Variants in ELAVL3 observed in about 807,000 individuals in gnomAD.
The protein encoded by ELAVL3 is ELAV-like protein 3.
Under a neutral mutation model 34.2 loss-of-function variants are expected in ELAVL3, and 8 were observed. That is an observed-to-expected ratio of 0.23 (90% confidence interval 0.14 to 0.42). The LOEUF is 0.42. ELAVL3 is among the 10% of genes least tolerant of loss of function. ELAVL3 has a pLI of 1.00. For missense variants in ELAVL3, 273 were observed against 518.8 expected (o/e 0.53, Z 4.60); for synonymous variants, 209 against 222.1 (o/e 0.94, Z 0.53).
chr19:11,462,454 T>C (rs544840314), intron 3 of ELAVL3, among the ~76,000 whole-genome samples: 10 of 147,820 alleles, frequency 6.8e-5, no homozygotes, highest in Admixed American at 5.5e-4. Context: ...CTGGCCAACA[T>C]GGTGAAACCC....
chr19:11,470,666 A>C (rs572089739), intron 1 of ELAVL3, among the ~76,000 whole-genome samples: 68 of 152,260 alleles, frequency 4.5e-4, no homozygotes, highest in Non-Finnish European at 8.4e-4. Context: ...ACAAGAGCGA[A>C]ACTCCATCTC....
chr19:11,475,143 G>A (rs766012807), intron 1 of ELAVL3, among the ~76,000 whole-genome samples: 2 of 152,010 alleles, frequency 1.3e-5, no homozygotes, highest in Non-Finnish European at 2.9e-5. Context: ...CTATTTTAAT[G>A]AGCATTCCAC....
intron 3 of ELAVL3, among the ~76,000 whole-genome samples, chr19:11,464,414 C>T (rs917192022): frequency 6.6e-6 from 1 of 151,926 alleles, no homozygotes; most frequent in Non-Finnish European, 1.5e-5. Flanking sequence ...CCTCCTGCCT[C>T]GGCCTCCCAA....
At position 11,466,689 on chromosome 19, in the gene ELAVL3, T is replaced by C; in HGVS notation, c.148A>G (p.Met50Val). The change falls in exon 2 of 7, where the codon ATG becomes GTG. Residue 50 changes from methionine (M) to valine (V), a missense_variant. Met to Val is a conservative substitution (Grantham distance 21, BLOSUM62 1). Coordinates refer to ENST00000359227, the MANE Select transcript of ELAVL3 (RefSeq NM_001420.4). The surrounding 1 kb of genome is among the most constrained non-coding windows in gnomAD (Gnocchi z 5.0). ...NLIVNYLPQN[M>V]TQDEFKSLFG... ...AGACTCTTGAACTCATCCTGGGTCATGTTCTGGGGCAGGTAGTTGACGATG... is the reference window on the plus strand; with the variant it reads ...AGACTCTTGAACTCATCCTGGGTCACGTTCTGGGGCAGGTAGTTGACGATG... 6.2e-7 allele frequency: 1 copy of C among 1,614,210 alleles called. No individual in the cohort carries two copies. Among genetic ancestry groups the C allele is most frequent in the Non-Finnish European group, 8.5e-7 (1 of 1,180,036 alleles).
chr19:11,456,249 C>T (rs968280302), intron 6 of ELAVL3, among the ~76,000 whole-genome samples: 1 of 151,664 alleles, frequency 6.6e-6, no homozygotes. Flanking sequence ...GGATTACAGG[C>T]GCCTGCCACC....
At chr19:11,479,985 G>A (rs921517526) in intron 1 of ELAVL3, among the ~76,000 whole-genome samples, 1 of 150,952 alleles carries the variant, frequency 6.6e-6, no homozygotes, top group Non-Finnish European at 1.5e-5. Flanking sequence ...GCGCCCGCGC[G>A]AGGCTGCGGC....
intron 3 of ELAVL3, among the ~76,000 whole-genome samples, chr19:11,462,190 A>G (rs1214665664): frequency 6.6e-6 from 1 of 151,744 alleles, no homozygotes; most frequent in Non-Finnish European, 1.5e-5. Flanking sequence ...AAAAAAAAAA[A>G]AAGAAATAAC....
intron 3 of ELAVL3, among the ~76,000 whole-genome samples, chr19:11,464,619 ACACACACAC>A (rs1286336000): frequency 1.6e-4 from 23 of 144,080 alleles, no homozygotes; most frequent in Middle Eastern, 3.8e-3. Flanking sequence ...CACACACACC[ACACACACAC>A]CACACACACC....
In ELAVL3 at chr19:11,458,728, A is replaced by G. The variant is rs945746557; in HGVS notation, c.334-117T>C. Reference sequence around the variant, plus strand: ...GCAGAAGTGACCCATCCGTCACTCAATAAGTATCTCTAGAGTTGTCACCGT... The same window carrying G: ...GCAGAAGTGACCCATCCGTCACTCAGTAAGTATCTCTAGAGTTGTCACCGT... On this transcript the variant is annotated intron_variant, in intron 3 of 6. Coordinates refer to ENST00000359227, the MANE Select transcript of ELAVL3 (RefSeq NM_001420.4). This position sits in a 1 kb window ranked among gnomAD's most constrained non-coding sequence, Gnocchi z 7.3. 45 of 1,353,254 alleles carry G rather than the reference A, an allele frequency of 3.3e-5. No individual in the cohort carries two copies. The East Asian group carries it at 9.3e-4, about 28-fold the overall frequency. 83.8% of individuals were successfully genotyped at this position (1,353,254 alleles called of 1,614,324 possible).
chr19:11,451,809 G>GGT lies in ELAVL3; in HGVS notation c.*2716_*2717insAC, dbSNP rs1555730094. The GGT allele has an allele frequency of 3.9e-5, 6 of 152,040 alleles. No homozygotes were observed. The highest frequency in any genetic ancestry group is 1.4e-4 in the African/African-American group (6 of 41,454). The allele number at this position is 152,040 out of a possible 1,614,324, so 9.4% of individuals were successfully genotyped here. A position where few individuals can be genotyped will look rare whatever the true frequency, so the allele number is the denominator to read the frequency against. On this transcript the variant is annotated 3_prime_UTR_variant, in exon 7 of 7. Coordinates refer to ENST00000359227, the MANE Select transcript of ELAVL3 (RefSeq NM_001420.4). The stretch of plus-strand genomic sequence containing the variant: ...AGGGGCCTAGGCCTCGGTGGGGGGG[G>GGT]GGTGTGTGGGGAGGTGCCCCCTCTC...
chr19:11,472,065 C>T (rs939625529), intron 1 of ELAVL3, among the ~76,000 whole-genome samples: 1 of 152,144 alleles, frequency 6.6e-6, no homozygotes, highest in Admixed American at 6.5e-5. Context: ...CTGAACTGGG[C>T]CAGGCATGGT....
At position 11,472,748 on chromosome 19, in the gene ELAVL3, C is replaced by T. The variant is rs568643784; in HGVS notation, c.10-5921G>A. Among the ~76,000 whole-genome samples the T allele has an allele frequency of 7.3e-4, 110 of 151,196 alleles. 1 individual carries two copies. Among genetic ancestry groups the T allele is most frequent in the South Asian group, 6.9e-3 (33 of 4,774 alleles). ...AGAAGAAGGAGAGGGAGAGGGAGAA[C>T]GAGAAGGAGAAGGAAAAGGAGAAGG... On this transcript the variant is annotated intron_variant, in intron 1 of 6. Transcript: ENST00000359227.
In ELAVL3 at chr19:11,454,448, CTTCTCTCTCTCTCTCTCTCT is replaced by C; in HGVS notation, c.*58_*77del. On this transcript the variant is annotated 3_prime_UTR_variant, in exon 7 of 7. Coordinates refer to ENST00000359227, the MANE Select transcript of ELAVL3 (RefSeq NM_001420.4). The surrounding 1 kb of genome is among the most constrained non-coding windows in gnomAD (Gnocchi z 9.2). Reference sequence around the variant, plus strand: ...TGCCTGTGCTGTCTCTCTTGGGCCCCTTCTCTCTCTCTCTCTCTCTTTCTCTCTCTCTCTCTCTGCTGCCC... The same window carrying C: ...TGCCTGTGCTGTCTCTCTTGGGCCCCTTCTCTCTCTCTCTCTCTGCTGCCC... The C allele has an allele frequency of 1.1e-5, 14 of 1,289,974 alleles. No individual in the cohort carries two copies. The highest frequency in any genetic ancestry group is 2.5e-5 in the Admixed American group (1 of 39,506). 79.9% of individuals were successfully genotyped at this position (1,289,974 alleles called of 1,614,324 possible). A position where few individuals can be genotyped will look rare whatever the true frequency, so the allele number is the denominator to read the frequency against.
At chr19:11,460,304 C>T (rs1351136276) in intron 3 of ELAVL3, among the ~76,000 whole-genome samples, 4 of 152,066 alleles carry the variant, frequency 2.6e-5, no homozygotes, top group African/African-American at 2.4e-5. Context: ...TACTGATCAC[C>T]TGGACCAGTG....
At chr19:11,473,795 G>T (rs932817642) in intron 1 of ELAVL3, among the ~76,000 whole-genome samples, 1 of 152,212 alleles carries the variant, frequency 6.6e-6, no homozygotes, top group Non-Finnish European at 1.5e-5. Flanking sequence ...ACCAAGAACA[G>T]TGCCAGCTCT....
At chr19:11,464,778 TACACCACAC>T (rs1261501539) in intron 3 of ELAVL3, among the ~76,000 whole-genome samples, 6 of 52,794 alleles carry the variant, frequency 1.1e-4, no homozygotes, top group African/African-American at 1.6e-4. Context: ...ACCACACACA[TACACCACAC>T]ACACCACACA....
At chr19:11,457,912 G>T (rs1466638206) in intron 5 of ELAVL3, 149 bp downstream of exon 5, 2 of 762,854 alleles carry the variant, frequency 2.6e-6, no homozygotes, top group Non-Finnish European at 4.2e-6. Flanking sequence ...TATATGAGTG[G>T]CTGGCCTTGG....
intron 3 of ELAVL3, among the ~76,000 whole-genome samples, chr19:11,461,101 C>G (rs1198924199): frequency 3.4e-4 from 51 of 151,522 alleles, no homozygotes; most frequent in Admixed American, 3.4e-3. Flanking sequence ...ATCACTTGAA[C>G]CCAGGAGTTA....
intron 1 of ELAVL3, among the ~76,000 whole-genome samples, chr19:11,467,953 T>C (rs942982010): frequency 2.6e-5 from 4 of 152,024 alleles, no homozygotes; most frequent in Non-Finnish European, 5.9e-5. Context: ...CCATGTCTGG[T>C]TAATTTTAAA....
Sources: gnomAD v4.1 joint callset for allele counts (sites outside exome capture counted in the v4.1 genomes callset) on GRCh38, gnomAD v4.1.1 for gene constraint, Gnocchi (gnomAD v3.1) non-coding constraint, MANE v1.5 for transcripts, NCBI Gene and HGNC (gene_info 2026-07-23, HGNC 2026-07-21) for gene names.